The following SCAI variants were observed in gnomAD, a reference collection of about 807,000 sequenced individuals.
SCAI encodes protein SCAI.
In SCAI, 24 loss-of-function variants were observed where a neutral mutation model predicts 92.2. That is an observed-to-expected ratio of 0.26 (90% CI 0.19 to 0.37). The LOEUF is 0.37. SCAI is among the 10% of genes least tolerant of loss of function. The pLI, the probability that SCAI is intolerant of heterozygous loss-of-function variation, is 1.00. For missense variants in SCAI, 450 were observed against 736.2 expected, an observed-to-expected ratio of 0.61 and a Z score of 4.50; for synonymous variants, 261 against 258.6, an observed-to-expected ratio of 1.01 and a Z score of -0.09.
chr9:125,057,632 G>A (rs937091351), intron 2 of SCAI, among the ~76,000 whole-genome samples: 8 of 152,194 alleles, frequency 5.3e-5, no homozygotes, highest in East Asian at 1.9e-4. Flanking sequence ...GAGGCCATTC[G>A]CAGGCAGAGC....
At chr9:125,021,032 A>C (rs926645304) in intron 6 of SCAI, among the ~76,000 whole-genome samples, 9 of 152,200 alleles carry the variant, frequency 5.9e-5, no homozygotes, top group Non-Finnish European at 8.8e-5. Context: ...AGTTGTAAAA[A>C]ACTAGAGATA....
chr9:124,959,649 A>T (rs1831400022), intron 17 of SCAI, among the ~76,000 whole-genome samples: 1 of 151,622 alleles, frequency 6.6e-6, no homozygotes, highest in Admixed American at 6.6e-5. Context: ...CTCGTCATTT[A>T]CATTAGGTAT....
chr9:125,134,708 C>T (rs771488643), intron 2 of SCAI, among the ~76,000 whole-genome samples: 6 of 152,184 alleles, frequency 3.9e-5, no homozygotes, highest in Non-Finnish European at 8.8e-5. Flanking sequence ...TGGAGTTTCG[C>T]TCTTGTTGCC....
chr9:125,080,532 A>T (rs1217763994), intron 2 of SCAI, among the ~76,000 whole-genome samples: 1 of 152,194 alleles, frequency 6.6e-6, no homozygotes, highest in Non-Finnish European at 1.5e-5. Flanking sequence ...TCACTAAAAC[A>T]ATTTTTAGAA....
At chr9:125,010,173 G>A (rs1832603584) in intron 9 of SCAI, among the ~76,000 whole-genome samples, 1 of 152,200 alleles carries the variant, frequency 6.6e-6, no homozygotes, top group Admixed American at 6.5e-5. Flanking sequence ...GGAGCACGCA[G>A]TGGGCGCAGG....
intron 3 of SCAI, among the ~76,000 whole-genome samples, chr9:125,033,577 G>A (rs558012683): frequency 2.7e-4 from 41 of 152,070 alleles, no homozygotes; most frequent in Non-Finnish European, 4.1e-4. Context: ...TTTATTTCCC[G>A]CATTTAAAAA....
rs374743328 is a variant in SCAI at position 125,023,856 on chromosome 9, G to C, written c.512+2956C>G. Among the ~76,000 whole-genome samples, 63 of 152,100 alleles carry C rather than the reference G, an allele frequency of 4.1e-4. No homozygotes were observed. The East Asian group carries it at 8.4e-3, about 20-fold the overall frequency. The stretch of plus-strand genomic sequence containing the variant: ...AGCAAAGCACAGATTAAATGCGTCA[G>C]TGCTGTCCACTCATACATAAGAGGC... On this transcript the variant is annotated intron_variant, in intron 6 of 17. Transcript: ENST00000336505.
At chr9:124,996,679 G>T (rs1832245492) in intron 13 of SCAI, among the ~76,000 whole-genome samples, 1 of 151,606 alleles carries the variant, frequency 6.6e-6, no homozygotes, top group African/African-American at 2.4e-5. Context: ...ACACAGACTG[G>T]AGTGCAGTGG....
At chr9:125,099,802 T>C (rs1273837695) in intron 2 of SCAI, among the ~76,000 whole-genome samples, 1 of 152,270 alleles carries the variant, frequency 6.6e-6, no homozygotes, top group African/African-American at 2.4e-5. Flanking sequence ...TCGTTTTGTG[T>C]CTGGCTTATT....
intron 14 of SCAI, among the ~76,000 whole-genome samples, chr9:124,988,932 G>A (rs1467773579): frequency 6.6e-6 from 1 of 152,186 alleles, no homozygotes; most frequent in African/African-American, 2.4e-5. Flanking sequence ...GAGGTCAGGA[G>A]TTCGAGAACA....
intron 9 of SCAI, among the ~76,000 whole-genome samples, chr9:125,015,321 C>T (rs1371413840): frequency 6.6e-6 from 1 of 152,000 alleles, no homozygotes; most frequent in Admixed American, 6.6e-5. Flanking sequence ...ACAATGAACT[C>T]AAACAAATTT....
intron 2 of SCAI, among the ~76,000 whole-genome samples, chr9:125,127,404 A>AT (rs1286366420): frequency 1.5e-5 from 2 of 132,978 alleles, no homozygotes; most frequent in African/African-American, 5.4e-5. Flanking sequence ...CCCAGGGCAG[A>AT]ATTTTTTTTT....
In SCAI at chr9:124,950,441, G is replaced by A. The variant is rs555504538; in HGVS notation, c.*2366C>T. The A allele has an allele frequency of 6.6e-6, 1 of 152,224 alleles. No homozygotes were observed. Among genetic ancestry groups the A allele is most frequent in the East Asian group, 1.9e-4 (1 of 5,176 alleles). 9.4% of individuals were successfully genotyped at this position (152,224 alleles called of 1,614,324 possible). On this transcript the variant is annotated 3_prime_UTR_variant, in exon 18 of 18. Transcript: ENST00000336505. ...ACCAGTGTTCTTTATGCTTAACGGG[G>A]GAGGATAAAGCTCAGAACAGTAAAT... is the stretch of plus-strand genomic sequence containing the variant.
chr9:125,066,066 GAATA>G (rs1833863175), intron 2 of SCAI: 1 of 733,532 alleles, frequency 1.4e-6, no homozygotes, highest in South Asian at 1.6e-5. Context: ...ATACTGTATT[GAATA>G]AAGAAAAAAA....
chr9:125,110,648 A>G (rs1044884130), intron 2 of SCAI, among the ~76,000 whole-genome samples: 1 of 152,154 alleles, frequency 6.6e-6, no homozygotes, highest in Non-Finnish European at 1.5e-5. Context: ...CAGCCATGTA[A>G]GACCTGCCTG....
intron 3 of SCAI, among the ~76,000 whole-genome samples, chr9:125,054,163 C>T (rs576067217): frequency 3.9e-5 from 6 of 152,134 alleles, no homozygotes; most frequent in South Asian, 4.2e-4. Context: ...TTTGTAGAGA[C>T]GAGGTTTCAC....
rs1831162777 is a variant in SCAI at position 124,947,410 on chromosome 9, T to C, written c.*5397A>G. 6.6e-6 allele frequency: 1 copy of C among 152,204 alleles called. No individual in the cohort carries two copies. Among genetic ancestry groups the C allele is most frequent in the Non-Finnish European group, 1.5e-5 (1 of 68,034 alleles). The allele number at this position is 152,204 out of a possible 1,614,324, so 9.4% of individuals were successfully genotyped here. A position where few individuals can be genotyped will look rare whatever the true frequency, so the allele number is the denominator to read the frequency against. ...AGCTAAGAATAAATATCTAGCTTTC[T>C]GTTAAGATCTTCATATCCTAATTTC... On this transcript the variant is annotated 3_prime_UTR_variant, in exon 18 of 18. Coordinates refer to ENST00000336505, the MANE Select transcript of SCAI (RefSeq NM_001144877.3).
chr9:125,024,432 C>A (rs754673547), intron 6 of SCAI, among the ~76,000 whole-genome samples: 90 of 152,034 alleles, frequency 5.9e-4, no homozygotes, highest in Non-Finnish European at 1.0e-3. Flanking sequence ...CGTGCCACCA[C>A]GCCCGGCTAA....
At chr9:125,109,745 G>A (rs1367694850) in intron 2 of SCAI, among the ~76,000 whole-genome samples, 1 of 152,128 alleles carries the variant, frequency 6.6e-6, no homozygotes, top group African/African-American at 2.4e-5. Flanking sequence ...GGAGGGCAGT[G>A]ATGTGATCTC....
Sources: allele counts gnomAD v4.1 joint callset (sites outside exome capture counted in the v4.1 genomes callset), GRCh38; gene constraint gnomAD v4.1.1; transcripts MANE v1.5; gene names NCBI Gene and HGNC (gene_info 2026-07-23, HGNC 2026-07-21).